KIF16B: variants seen among roughly 807,000 people sequenced by gnomAD.
The protein encoded by KIF16B is kinesin family member 16B.
KIF16B carries 98 observed loss-of-function variants against 156.3 expected under a neutral mutation model. That is an observed-to-expected ratio of 0.63 (90% confidence interval 0.53 to 0.74). The LOEUF (loss-of-function observed/expected upper bound fraction) is 0.74. Ranked by LOEUF, KIF16B falls within the 30% of genes least tolerant of loss-of-function variation. The pLI is 0.00. For synonymous variants in KIF16B, 564 were observed against 583.7 expected (o/e 0.97, Z 0.49); for missense variants, 1,421 against 1,606.5 (o/e 0.88, Z 1.97).
intron 23 of KIF16B, among the ~76,000 whole-genome samples, chr20:16,347,074 G>C (rs1752049634): frequency 6.6e-6 from 1 of 152,112 alleles, no homozygotes; most frequent in South Asian, 2.1e-4. Flanking sequence ...TTCTTCATCT[G>C]TAAAATGCAT....
chr20:16,280,822 G>T (rs2063133369), intron 25 of KIF16B, among the ~76,000 whole-genome samples: 1 of 145,202 alleles, frequency 6.9e-6, no homozygotes, highest in African/African-American at 2.5e-5. Context: ...CTGAATTTCA[G>T]TCAACTGCTG....
chr20:16,279,973 T>A (rs552015225), intron 25 of KIF16B, among the ~76,000 whole-genome samples: 1 of 152,308 alleles, frequency 6.6e-6, no homozygotes, highest in South Asian at 2.1e-4. Flanking sequence ...AGTTTATGCA[T>A]CAGGAAAAAA....
chr20:16,440,528 C>T (rs73898751), intron 12 of KIF16B, among the ~76,000 whole-genome samples: 1,661 of 91,670 alleles, frequency 0.018, 28 homozygotes, highest in African/African-American at 0.059. Flanking sequence ...AACACACAAG[C>T]GCGCGCACAC....
chr20:16,489,217 C>T (rs948068026), intron 12 of KIF16B, among the ~76,000 whole-genome samples: 18 of 152,098 alleles, frequency 1.2e-4, no homozygotes, highest in African/African-American at 4.3e-4. Context: ...GAGCTGGGGC[C>T]TTGGAGAAGA....
chr20:16,452,206 G>A (rs562904877), intron 12 of KIF16B, among the ~76,000 whole-genome samples: 16 of 152,190 alleles, frequency 1.1e-4, no homozygotes, highest in Admixed American at 2.6e-4. Context: ...AGACAGAAAC[G>A]TCATGGAAAG....
chr20:16,490,570 A>AG (rs1252683829), intron 12 of KIF16B, among the ~76,000 whole-genome samples: 1 of 152,076 alleles, frequency 6.6e-6, no homozygotes, highest in Admixed American at 6.6e-5. Context: ...AACACACAAA[A>AG]AAGAAGAGGA....
Position 16,289,628 on chromosome 20 carries a change from C to T in KIF16B, c.3796-16217G>A, listed in dbSNP as rs139004853. On this transcript the variant is annotated intron_variant, in intron 25 of 25. Coordinates refer to ENST00000354981, the MANE Select transcript of KIF16B (RefSeq NM_024704.5). ...CAGCACTTTGGTAGGCCGAGGCGGA[C>T]GGATCACGAGGTCAGGAGATCAAGA... is the stretch of plus-strand genomic sequence containing the variant. Among the ~76,000 whole-genome samples the T allele has an allele frequency of 1.4e-3, 220 of 151,972 alleles. 3 individuals carry two copies. In the East Asian group the frequency reaches 0.039, roughly 27 times the overall value.
intron 1 of KIF16B, among the ~76,000 whole-genome samples, chr20:16,567,145 G>T (rs1220778909): frequency 6.6e-6 from 1 of 152,162 alleles, no homozygotes; most frequent in Non-Finnish European, 1.5e-5. Context: ...CAGCATCATA[G>T]TATCTAGCTA....
intron 25 of KIF16B, among the ~76,000 whole-genome samples, chr20:16,279,170 C>T (rs6105563): frequency 0.22 from 33,660 of 151,926 alleles, 4,370 homozygotes; most frequent in East Asian, 0.59. Flanking sequence ...ACACCTTTCC[C>T]CTCTCTGGGA....
At chr20:16,546,524 G>A (rs1463173061) in intron 1 of KIF16B, among the ~76,000 whole-genome samples, 1 of 152,168 alleles carries the variant, frequency 6.6e-6, no homozygotes, top group African/African-American at 2.4e-5. Flanking sequence ...CTGGTGTGGA[G>A]ATTCACTTTA....
chr20:16,464,031 C>T (rs183499605), intron 12 of KIF16B, among the ~76,000 whole-genome samples: 9 of 152,132 alleles, frequency 5.9e-5, no homozygotes, highest in South Asian at 2.1e-4. Flanking sequence ...TCCAGAGGTA[C>T]GTGATTGAAA....
intron 12 of KIF16B, among the ~76,000 whole-genome samples, chr20:16,464,607 A>C (rs1009487728): frequency 2.6e-5 from 4 of 152,186 alleles, no homozygotes; most frequent in African/African-American, 9.7e-5. Flanking sequence ...AAGGCGGTAC[A>C]CAGTTTTGCA....
intron 19 of KIF16B, among the ~76,000 whole-genome samples, chr20:16,377,018 T>G (rs1301896083): frequency 2.0e-5 from 3 of 152,246 alleles, no homozygotes; most frequent in Non-Finnish European, 4.4e-5. Context: ...ATCCATAGCA[T>G]AAGCCAATCA....
chr20:16,516,434 G>A lies in KIF16B; in HGVS notation c.232-770C>T, dbSNP rs1297442809. On this transcript the variant is annotated intron_variant, in intron 3 of 25. Transcript: ENST00000354981. ...ATCAAGGTTCAAAGTCTTAGTTATA[G>A]CCAGCTGGAAACAGACAACAAAAGC... 2.6e-5 allele frequency among the ~76,000 whole-genome samples: 4 copies of A among 152,182 alleles called. No homozygotes were observed. In the South Asian group the frequency reaches 8.3e-4, roughly 32 times the overall value.
chr20:16,422,317 C>CT, intron 15 of KIF16B, among the ~76,000 whole-genome samples: 1 of 152,184 alleles, frequency 6.6e-6, no homozygotes, highest in East Asian at 1.9e-4. Flanking sequence ...TTCCTTTTGT[C>CT]TTTTTGGTGT....
intron 25 of KIF16B, among the ~76,000 whole-genome samples, chr20:16,294,074 C>T (rs1005069282): frequency 1.3e-5 from 2 of 152,046 alleles, no homozygotes; most frequent in African/African-American, 4.8e-5. Flanking sequence ...GAAAGAGTTG[C>T]TGCTGGGGAA....
At chr20:16,516,591 G>C (rs561105489) in intron 3 of KIF16B, among the ~76,000 whole-genome samples, 1 of 152,230 alleles carries the variant, frequency 6.6e-6, no homozygotes, top group Admixed American at 6.5e-5. Context: ...CCAGATGAAG[G>C]GCTCCTCTGT....
intron 1 of KIF16B, among the ~76,000 whole-genome samples, chr20:16,563,885 T>C (rs754281024): frequency 3.3e-5 from 5 of 152,206 alleles, no homozygotes; most frequent in Non-Finnish European, 5.9e-5. Flanking sequence ...ATATTACTTA[T>C]AAAGTTCACC....
intron 12 of KIF16B, among the ~76,000 whole-genome samples, chr20:16,473,354 C>G (rs1419264527): frequency 6.6e-6 from 1 of 152,162 alleles, no homozygotes; most frequent in Non-Finnish European, 1.5e-5. Context: ...TTTTCTCTCC[C>G]TTTACAGAAC....
Sources: allele counts gnomAD v4.1 joint callset (sites outside exome capture counted in the v4.1 genomes callset), GRCh38; gene constraint gnomAD v4.1.1; transcripts MANE v1.5; gene names NCBI Gene and HGNC (gene_info 2026-07-23, HGNC 2026-07-21).